The following TDRP variants were observed in gnomAD, a reference collection of about 807,000 sequenced individuals.
TDRP encodes testis development-related protein.
TDRP carries 12 observed loss-of-function variants against 10.5 expected under a neutral mutation model. The observed-to-expected ratio is 1.15, with a 90% CI of 0.73 to 1.86. The LOEUF is 1.86. Among genes scored for constraint, TDRP ranks in the 40% most tolerant of loss-of-function variants. TDRP has a pLI of 0.00. For missense variants in TDRP, 353 were observed against 229.2 expected, an observed-to-expected ratio of 1.54 and a Z score of -3.49; for synonymous variants, 139 against 95.4, an observed-to-expected ratio of 1.46 and a Z score of -2.67.
chr8:532,575 C>T (rs980036455), intron 1 of TDRP, among the ~76,000 whole-genome samples: 7 of 152,186 alleles, frequency 4.6e-5, no homozygotes, highest in African/African-American at 1.2e-4. Flanking sequence ...TATGCAAAAG[C>T]GCTTAAAACT....
chr8:494,688 G>GA, intron 1 of TDRP, 91 bp from the exon 2 acceptor site: 1 of 1,178,474 alleles, frequency 8.5e-7, no homozygotes, highest in Non-Finnish European at 1.2e-6. Flanking sequence ...TTGAAATTTA[G>GA]AAAAAAGAAT....
intron 1 of TDRP, among the ~76,000 whole-genome samples, chr8:505,546 C>T (rs1801437184): frequency 1.3e-5 from 2 of 152,208 alleles, no homozygotes; most frequent in South Asian, 2.1e-4. Context: ...CAGACGGGAA[C>T]TTAACCCATG....
chr8:543,123 C>T (rs534992145), intron 1 of TDRP, among the ~76,000 whole-genome samples: 189 of 152,176 alleles, frequency 1.2e-3, no homozygotes, highest in African/African-American at 4.3e-3. Flanking sequence ...GCCTGGACAA[C>T]ATAGCAAGAC....
chr8:530,234 T>C (rs1257699495), intron 1 of TDRP, among the ~76,000 whole-genome samples: 3 of 152,152 alleles, frequency 2.0e-5, no homozygotes, highest in Non-Finnish European at 2.9e-5. Flanking sequence ...ATTCTTGTTA[T>C]TGCATTTTTT....
intron 1 of TDRP, among the ~76,000 whole-genome samples, chr8:507,817 G>A (rs1801507138): frequency 6.6e-6 from 1 of 152,188 alleles, no homozygotes; most frequent in Non-Finnish European, 1.5e-5. Context: ...TGGGCACTAG[G>A]CTTAATACCT....
chr8:510,993 G>A (rs1041661939), intron 1 of TDRP, among the ~76,000 whole-genome samples: 16 of 152,174 alleles, frequency 1.1e-4, no homozygotes, highest in African/African-American at 2.2e-4. Context: ...CTAAGAAATC[G>A]GCTACAGATG....
Position 492,534 on chromosome 8 carries a change from C to G in TDRP, c.423G>C (p.Lys141Asn), listed in dbSNP as rs1452092783. ...PSWSGWEDDAKGSTKYTSLAS... is the reference protein window; with the variant it reads ...PSWSGWEDDANGSTKYTSLAS... ...CCAGGCTGGTGTACTTGGTCGAGCC[C>G]TTGGCGTCATCCTCCCAGCCTGACC... The change falls in exon 3 of 3, where the codon AAG becomes AAC. Residue 141 changes from lysine to asparagine, a missense_variant. Physicochemically the swap from Lys to Asn is moderately conservative, Grantham distance 94. Transcript: ENST00000324079. 6 of 1,611,438 alleles carry G rather than the reference C, an allele frequency of 3.7e-6. No homozygotes were observed. The highest frequency in any genetic ancestry group is 5.1e-6 in the Non-Finnish European group (6 of 1,178,560).
chr8:498,266 C>G (rs1801188184), intron 1 of TDRP, among the ~76,000 whole-genome samples: 1 of 152,166 alleles, frequency 6.6e-6, no homozygotes, highest in South Asian at 2.1e-4. Context: ...GGGGCTGTAC[C>G]CTGCAGAGCC....
intron 1 of TDRP, among the ~76,000 whole-genome samples, chr8:523,687 T>C (rs539326803): frequency 6.6e-6 from 1 of 152,188 alleles, no homozygotes; most frequent in Non-Finnish European, 1.5e-5. Flanking sequence ...GGGGCAGTGG[T>C]AGCCAAGGGG....
rs756483012 is a variant in TDRP, at chr8:492,492, G to A, written c.465C>T (p.Ser155=). The change falls in exon 3 of 3, where the codon AGC becomes AGT. Residue 155 remains serine, a synonymous_variant. Coordinates refer to ENST00000324079, the MANE Select transcript of TDRP (RefSeq NM_001384899.1). The part of the protein sequence containing the change: ...KYTSLASSAN[S]SRWSLRAAGR... The stretch of plus-strand genomic sequence containing the variant: ...CTGCCGCGCGCAGGCTCCACCTGGA[G>A]CTGTTGGCAGAGCTGGCCAGGCTGG... The A allele has an allele frequency of 1.9e-6, 3 of 1,610,914 alleles. No individual in the cohort carries two copies. The highest frequency in any genetic ancestry group is 1.7e-6 in the Non-Finnish European group (2 of 1,178,198).
chr8:490,876 C>G lies in TDRP; in HGVS notation c.*1523G>C, dbSNP rs1413845075. 1 of 151,236 alleles carries G rather than the reference C, an allele frequency of 6.6e-6. No individual in the cohort carries two copies. Among genetic ancestry groups the G allele is most frequent in the Non-Finnish European group, 1.5e-5 (1 of 67,874 alleles). 9.4% of individuals were successfully genotyped at this position (151,236 alleles called of 1,614,324 possible). A position where few individuals can be genotyped will look rare whatever the true frequency, so the allele number is the denominator to read the frequency against. ...AGACTTGATAAGTAAACTTCTTGTT[C>G]TATTAAAAAAAAAAGTAGATGATTG... On this transcript the variant is annotated 3_prime_UTR_variant, in exon 3 of 3. Coordinates refer to ENST00000324079, the MANE Select transcript of TDRP (RefSeq NM_001384899.1).
intron 1 of TDRP, among the ~76,000 whole-genome samples, chr8:529,261 C>G (rs1354862935): frequency 6.6e-6 from 1 of 152,052 alleles, no homozygotes; most frequent in East Asian, 1.9e-4. Context: ...CATCACATCC[C>G]CTAAATATAC....
chr8:511,662 G>C (rs1801622162), intron 1 of TDRP, among the ~76,000 whole-genome samples: 2 of 152,186 alleles, frequency 1.3e-5, no homozygotes, highest in Non-Finnish European at 2.9e-5. Context: ...AGTGCAAACA[G>C]ATCAGTCTTC....
intron 1 of TDRP, among the ~76,000 whole-genome samples, chr8:505,633 C>T (rs1403433556): frequency 6.6e-6 from 1 of 152,310 alleles, no homozygotes; most frequent in Non-Finnish European, 1.5e-5. Context: ...GCCACAGCAG[C>T]AGGAACGCAT....
chr8:545,150 G>C (rs1175874777), upstream of TDRP, among the ~76,000 whole-genome samples: 1 of 132,576 alleles, frequency 7.5e-6, no homozygotes, highest in African/African-American at 2.9e-5. Flanking sequence ...TCCCAGTGTG[G>C]TCCCCGCCAC....
intron 1 of TDRP, among the ~76,000 whole-genome samples, chr8:542,724 G>A (rs747647200): frequency 1.1e-4 from 16 of 151,980 alleles, no homozygotes; most frequent in African/African-American, 1.7e-4. Context: ...TTAGCCAGGC[G>A]TGGTGACACA....
intron 1 of TDRP, among the ~76,000 whole-genome samples, chr8:505,738 G>A (rs985124199): frequency 1.3e-5 from 2 of 152,192 alleles, no homozygotes; most frequent in African/African-American, 4.8e-5. Context: ...CCAGGCTTGT[G>A]TATACCAGAA....
chr8:510,827 T>C (rs753714804), intron 1 of TDRP, among the ~76,000 whole-genome samples: 2 of 152,190 alleles, frequency 1.3e-5, no homozygotes, highest in African/African-American at 2.4e-5. Context: ...TATGTAATTA[T>C]AAAATACAGT....
At chr8:521,244 T>C (rs1169638637) in intron 1 of TDRP, among the ~76,000 whole-genome samples, 1 of 74,532 alleles carries the variant, frequency 1.3e-5, no homozygotes, top group African/African-American at 5.3e-5. Context: ...CTACTAAAAA[T>C]CCAAAAAAAA....
Sources: allele counts gnomAD v4.1 joint callset (sites outside exome capture counted in the v4.1 genomes callset), GRCh38; gene constraint gnomAD v4.1.1; transcripts MANE v1.5; gene names NCBI Gene and HGNC (gene_info 2026-07-23, HGNC 2026-07-21).